IGDCC3: variants seen among roughly 807,000 people sequenced by gnomAD.
The protein encoded by IGDCC3 is putative neuronal cell adhesion molecule.
Under a neutral mutation model 72.0 loss-of-function variants are expected in IGDCC3, and 47 were observed. That is an observed-to-expected ratio of 0.65 (90% CI 0.52 to 0.83). The LOEUF (loss-of-function observed/expected upper bound fraction) is 0.83, where lower values mean the gene tolerates loss of function less well. Among genes scored for constraint, IGDCC3 ranks in the 40% least tolerant of loss-of-function variants. The pLI is 0.00. For synonymous variants in IGDCC3, 477 were observed against 472.8 expected (o/e 1.01, Z -0.11); for missense variants, 1,038 against 1,091.3 (o/e 0.95, Z 0.69).
At position 65,339,075 on chromosome 15, in the gene IGDCC3, T is replaced by A. The variant is rs988536458; in HGVS notation, c.410-3119A>T. ...GCACCACCACGCCCAGCTAATTTTTTAATTTCTTTTTTCTTTTTCTTTTTG... is the reference window on the plus strand; with the variant it reads ...GCACCACCACGCCCAGCTAATTTTTAAATTTCTTTTTTCTTTTTCTTTTTG... On this transcript the variant is annotated intron_variant, in intron 2 of 13. Transcript: ENST00000327987. This position sits in a 1 kb window ranked among gnomAD's most constrained non-coding sequence, Gnocchi z 4.1. Among the ~76,000 whole-genome samples the A allele has an allele frequency of 2.6e-5, 4 of 151,612 alleles. No individual in the cohort carries two copies. Among genetic ancestry groups the A allele is most frequent in the African/African-American group, 9.7e-5 (4 of 41,230 alleles).
intron 1 of IGDCC3, among the ~76,000 whole-genome samples, chr15:65,376,057 G>T (rs2091357007): frequency 6.6e-6 from 1 of 152,200 alleles, no homozygotes; most frequent in Non-Finnish European, 1.5e-5. Context: ...CAGGGTGTGT[G>T]GTCCCAGTAC....
intron 2 of IGDCC3, among the ~76,000 whole-genome samples, chr15:65,347,995 C>T (rs779835501): frequency 6.6e-6 from 1 of 152,036 alleles, no homozygotes; most frequent in Non-Finnish European, 1.5e-5. Flanking sequence ...AAACAGGTTG[C>T]AGTAAAGGAG....
Position 65,333,304 on chromosome 15 carries a change from G to C in IGDCC3, c.935C>G (p.Pro312Arg). 6.2e-7 allele frequency: 1 copy of C among 1,613,082 alleles called. No homozygotes were observed. The highest frequency in any genetic ancestry group is 8.5e-7 in the Non-Finnish European group (1 of 1,179,668). ...TGCCGTTCTCCTCACCCGGGTGCCA[G>C]GTCTGTTGGCTGCACAGACGTAGAC... is the stretch of plus-strand genomic sequence containing the variant. ...SGVYVCAANR[P>R]GTRVRRTAQG... is the part of the protein sequence containing the mutation. Residue 312 changes from proline (P) to arginine (R), a missense_variant, in exon 6 of 14, where the codon CCT (proline) becomes CGT (arginine). Pro to Arg is a moderately radical substitution (Grantham distance 103, BLOSUM62 -2). Transcript: ENST00000327987.
chr15:65,331,847 G>A, intron 7 of IGDCC3, 94 bp downstream of exon 7: 2 of 1,452,390 alleles, frequency 1.4e-6, no homozygotes, highest in South Asian at 2.6e-5. Context: ...CTCTTCCCTG[G>A]CAGGAGGTGT....
chr15:65,376,770 T>A (rs1334011357), intron 1 of IGDCC3, among the ~76,000 whole-genome samples: 1 of 152,234 alleles, frequency 6.6e-6, no homozygotes, highest in Admixed American at 6.5e-5. Context: ...TTTTCCTTGA[T>A]GCGGACGCGA....
chr15:65,351,678 T>C (rs2091174839), intron 2 of IGDCC3, among the ~76,000 whole-genome samples: 1 of 152,220 alleles, frequency 6.6e-6, no homozygotes, highest in South Asian at 2.1e-4. Flanking sequence ...ATAAAAATCA[T>C]ACAGGAAGCA....
intron 2 of IGDCC3, among the ~76,000 whole-genome samples, chr15:65,341,975 C>T (rs1318441872): frequency 1.3e-5 from 2 of 152,070 alleles, no homozygotes; most frequent in Non-Finnish European, 2.9e-5. Context: ...GAGTTTTGCC[C>T]TGTTGGCCAG....
intron 2 of IGDCC3, among the ~76,000 whole-genome samples, chr15:65,350,180 G>A (rs917697049): frequency 1.3e-5 from 2 of 152,196 alleles, no homozygotes; most frequent in South Asian, 4.2e-4. Context: ...TGTCCAGTCG[G>A]GAGTGCAGTG....
At chr15:65,354,169 G>T (rs1279550835) in intron 2 of IGDCC3, among the ~76,000 whole-genome samples, 1 of 152,194 alleles carries the variant, frequency 6.6e-6, no homozygotes. Flanking sequence ...CCCTCCCAAA[G>T]TGCTGGGATT....
rs574387055 is a variant in IGDCC3, at chr15:65,340,157, A to G, written c.410-4201T>C. 4.6e-5 allele frequency among the ~76,000 whole-genome samples: 7 copies of G among 152,148 alleles called. No homozygotes were observed. In the South Asian group the frequency reaches 1.5e-3, roughly 32 times the overall value. On this transcript the variant is annotated intron_variant, in intron 2 of 13. Transcript: ENST00000327987. Reference sequence around the variant, plus strand: ...GAAACAGTTCCTGGACACCTCTATAAATCACCCAAGGGGAGGGGCCTCCTG... The same window carrying G: ...GAAACAGTTCCTGGACACCTCTATAGATCACCCAAGGGGAGGGGCCTCCTG...
intron 2 of IGDCC3, among the ~76,000 whole-genome samples, chr15:65,338,140 T>TATCCAG (rs2091046999): frequency 6.6e-6 from 1 of 152,100 alleles, no homozygotes; most frequent in African/African-American, 2.4e-5. Context: ...GGGTCACAGG[T>TATCCAG]ATGGAGCCAG....
In IGDCC3 at chr15:65,329,375, G is replaced by A. The variant is rs1281386275; in HGVS notation, c.2205+15C>T. On this transcript the variant is annotated intron_variant, in intron 13 of 13. Transcript: ENST00000327987. The surrounding 1 kb of genome is among the most constrained non-coding windows in gnomAD (Gnocchi z 4.1). The stretch of plus-strand genomic sequence containing the variant: ...GAGCCTGAGGCGGGGGTTTGTTTAA[G>A]ACATGGGCACTCACTGTGGGTCTGG... 1.9e-6 allele frequency: 3 copies of A among 1,577,092 alleles called. No homozygotes were observed. Among genetic ancestry groups the A allele is most frequent in the African/African-American group, 2.7e-5 (2 of 72,898 alleles).
At chr15:65,347,520 G>A (rs2091134394) in intron 2 of IGDCC3, among the ~76,000 whole-genome samples, 1 of 152,170 alleles carries the variant, frequency 6.6e-6, no homozygotes, top group Non-Finnish European at 1.5e-5. Flanking sequence ...TTAAACACGA[G>A]TTGGGTGAAA....
At chr15:65,331,821 G>T in intron 7 of IGDCC3, 120 bp downstream of exon 7, 1 of 1,399,974 alleles carries the variant, frequency 7.1e-7, no homozygotes. Context: ...TCAATCTCCA[G>T]ACTCCCAATT....
chr15:65,355,575 A>C (rs2091211660), intron 2 of IGDCC3: 1 of 154,490 alleles, frequency 6.5e-6, no homozygotes, highest in South Asian at 1.6e-4. Context: ...GCCGGTTCCC[A>C]CAGCCGACCG....
In IGDCC3 at chr15:65,329,649, A is replaced by G; in HGVS notation, c.1998-52T>C. On this transcript the variant is annotated intron_variant, in intron 12 of 13. Transcript: ENST00000327987. This position sits in a 1 kb window ranked among gnomAD's most constrained non-coding sequence, Gnocchi z 4.1. ...AGGGAGAGAGAAAAGAGACAGAGGC[A>G]GTGAGCCCACACTCACCTTCTCTAG... The G allele has an allele frequency of 1.9e-6, 3 of 1,610,518 alleles. No homozygotes were observed. Among genetic ancestry groups the G allele is most frequent in the Non-Finnish European group, 2.5e-6 (3 of 1,177,080 alleles).
chr15:65,335,996 G>C, intron 2 of IGDCC3, 40 bp from the exon 3 acceptor site: 1 of 1,609,210 alleles, frequency 6.2e-7, no homozygotes, highest in Non-Finnish European at 8.5e-7. Flanking sequence ...GCGCTGCTGA[G>C]GGCAGAAGGT....
At chr15:65,373,101 G>A (rs1322238452) in intron 2 of IGDCC3, among the ~76,000 whole-genome samples, 1 of 152,166 alleles carries the variant, frequency 6.6e-6, no homozygotes, top group Non-Finnish European at 1.5e-5. Context: ...ATAAAAAAAA[G>A]CACATTTACA....
Position 65,331,402 on chromosome 15 carries a change from C to T in IGDCC3, c.1396+10G>A. The T allele has an allele frequency of 6.3e-7, 1 of 1,593,730 alleles. No homozygotes were observed. The highest frequency in any genetic ancestry group is 2.2e-5 in the East Asian group (1 of 44,534). The stretch of plus-strand genomic sequence containing the variant: ...TTAGAGGAAGGGGCAACAGAGCTGG[C>T]CACGCGCACCAGCAGCCTTCCTGAT... On this transcript the variant is annotated intron_variant, in intron 8 of 13. Coordinates refer to ENST00000327987, the MANE Select transcript of IGDCC3 (RefSeq NM_004884.4).
Sources: allele counts gnomAD v4.1 joint callset (sites outside exome capture counted in the v4.1 genomes callset), GRCh38; gene constraint gnomAD v4.1.1; non-coding constraint Gnocchi (gnomAD v3.1); transcripts MANE v1.5; gene names NCBI Gene and HGNC (gene_info 2026-07-23, HGNC 2026-07-21).